Variants in CNTN6 observed in about 807,000 individuals in gnomAD.
CNTN6 encodes contactin 6.
Under a neutral mutation model 122.8 loss-of-function variants are expected in CNTN6, and 137 were observed. The observed-to-expected ratio is 1.12, with a 90% confidence interval of 0.97 to 1.29. The LOEUF is 1.29. CNTN6 is among the 50% of genes most tolerant of loss of function. CNTN6 has a pLI of 0.00. For synonymous variants in CNTN6, 570 were observed against 426.0 expected (o/e 1.34, Z -4.16); for missense variants, 1,634 against 1,223.4 (o/e 1.34, Z -5.01).
chr3:1,147,382 G>C (rs920929585), intron 1 of CNTN6, among the ~76,000 whole-genome samples: 1 of 152,036 alleles, frequency 6.6e-6, no homozygotes, highest in African/African-American at 2.4e-5. Context: ...AAGATTAATT[G>C]TTGAGCTTAC....
chr3:1,344,668 A>C (rs917580433), intron 11 of CNTN6, among the ~76,000 whole-genome samples: 2 of 152,194 alleles, frequency 1.3e-5, no homozygotes, highest in Non-Finnish European at 2.9e-5. Context: ...AATTATAAAC[A>C]TTTGTTTCCT....
At chr3:1,398,215 A>G (rs937299279) in intron 20 of CNTN6, among the ~76,000 whole-genome samples, 1 of 152,168 alleles carries the variant, frequency 6.6e-6, no homozygotes, top group Non-Finnish European at 1.5e-5. Flanking sequence ...TTTGCAATCC[A>G]GTTTAATCAA....
intron 4 of CNTN6, among the ~76,000 whole-genome samples, chr3:1,246,669 C>A (rs1227572481): frequency 6.6e-6 from 1 of 151,930 alleles, no homozygotes; most frequent in Admixed American, 6.6e-5. Flanking sequence ...TTTCTATATT[C>A]TTGACAATAT....
At position 1,295,656 on chromosome 3, in the gene CNTN6, T is replaced by C. The variant is rs374588686; in HGVS notation, c.510T>C (p.Asn170=). ...ACCCCTTATACGTCCAAGAGGACAATAGGCGATTTGTATCTCAAGAGACGG... is the reference window on the plus strand; with the variant it reads ...ACCCCTTATACGTCCAAGAGGACAACAGGCGATTTGTATCTCAAGAGACGG... The part of the protein sequence containing the change: ...NDNPLYVQED[N]RRFVSQETGN... Residue 170 remains asparagine (N), a synonymous_variant, in exon 6 of 23, where the codon AAT becomes AAC. Coordinates refer to ENST00000446702, the MANE Select transcript of CNTN6 (RefSeq NM_001289080.2). 6.2e-6 allele frequency: 10 copies of C among 1,613,986 alleles called. No individual in the cohort carries two copies. The highest frequency in any genetic ancestry group is 1.6e-4 in the Middle Eastern group (1 of 6,062).
chr3:1,393,256 A>G (rs1186346180), intron 20 of CNTN6, among the ~76,000 whole-genome samples: 6 of 95,760 alleles, frequency 6.3e-5, no homozygotes, highest in African/African-American at 2.4e-4. Context: ...TGTCCTTTGT[A>G]GGGACATGGA....
intron 1 of CNTN6, among the ~76,000 whole-genome samples, chr3:1,125,561 A>C (rs1360492198): frequency 6.6e-6 from 1 of 151,846 alleles, no homozygotes; most frequent in Non-Finnish European, 1.5e-5. Context: ...GTCAGAATAA[A>C]AATGACTACT....
chr3:1,170,676 A>T (rs916024681), intron 2 of CNTN6, among the ~76,000 whole-genome samples: 1 of 152,348 alleles, frequency 6.6e-6, no homozygotes, highest in East Asian at 1.9e-4. Flanking sequence ...GTCAAAAATC[A>T]AAAGGAAAGA....
chr3:1,184,701 C>G (rs1246780334), intron 2 of CNTN6, among the ~76,000 whole-genome samples: 3 of 152,062 alleles, frequency 2.0e-5, no homozygotes, highest in African/African-American at 7.2e-5. Flanking sequence ...ATATGGACAT[C>G]TGAAAATTAA....
intron 11 of CNTN6, among the ~76,000 whole-genome samples, chr3:1,336,172 TAAATA>T (rs375227259): frequency 0.033 from 5,082 of 151,976 alleles, 301 homozygotes; most frequent in African/African-American, 0.12. Flanking sequence ...TAAAATCAAA[TAAATA>T]AAATAAAATA....
At chr3:1,131,805 G>A (rs1206584718) in intron 1 of CNTN6, among the ~76,000 whole-genome samples, 1 of 152,074 alleles carries the variant, frequency 6.6e-6, no homozygotes, top group African/African-American at 2.4e-5. Context: ...ACCTTGTTAT[G>A]AATATCTTGA....
chr3:1,305,093 A>G (rs1385386886), intron 7 of CNTN6, among the ~76,000 whole-genome samples: 2 of 152,026 alleles, frequency 1.3e-5, no homozygotes, highest in African/African-American at 4.8e-5. Context: ...AATCAGGTTT[A>G]TACACCTTAT....
At position 1,130,860 on chromosome 3, in the gene CNTN6, T is replaced by A. The variant is rs948902848; in HGVS notation, c.-82-17067T>A. ...CTTTAACCTGGTTTATAGCAACTAT[T>A]AGAAATGGAATTCAACTAAGTGTTG... On this transcript the variant is annotated intron_variant, in intron 1 of 22. Transcript: ENST00000446702. Among the ~76,000 whole-genome samples the A allele has an allele frequency of 3.3e-5, 5 of 152,184 alleles. No individual in the cohort carries two copies. In the South Asian group the frequency reaches 8.3e-4, roughly 25 times the overall value.
chr3:1,167,144 A>G (rs549541305), intron 2 of CNTN6, among the ~76,000 whole-genome samples: 2 of 152,208 alleles, frequency 1.3e-5, no homozygotes, highest in East Asian at 3.9e-4. Context: ...TGGGGAGAAT[A>G]AAACAAAAAC....
intron 2 of CNTN6, among the ~76,000 whole-genome samples, chr3:1,157,451 A>T (rs2093000640): frequency 6.6e-6 from 1 of 152,076 alleles, no homozygotes; most frequent in African/African-American, 2.4e-5. Context: ...TCCTGACCTC[A>T]GGTGATCTGC....
intron 2 of CNTN6, among the ~76,000 whole-genome samples, chr3:1,159,287 G>T (rs1331465817): frequency 6.6e-6 from 1 of 151,852 alleles, no homozygotes; most frequent in Non-Finnish European, 1.5e-5. Context: ...TGATAACAGA[G>T]CCAGCTACTA....
At chr3:1,179,201 C>T (rs1051402437) in intron 2 of CNTN6, among the ~76,000 whole-genome samples, 14 of 152,100 alleles carry the variant, frequency 9.2e-5, no homozygotes, top group Non-Finnish European at 1.8e-4. Context: ...TACTCATTAC[C>T]ACAAGGACAG....
intron 2 of CNTN6, among the ~76,000 whole-genome samples, chr3:1,187,598 G>T (rs926369020): frequency 6.6e-6 from 1 of 152,180 alleles, no homozygotes; most frequent in African/African-American, 2.4e-5. Flanking sequence ...TTCATAGGGA[G>T]GCTGGGGTGG....
intron 1 of CNTN6, among the ~76,000 whole-genome samples, chr3:1,095,391 A>AC (rs2090472753): frequency 1.3e-5 from 2 of 151,994 alleles, no homozygotes; most frequent in South Asian, 4.1e-4. Context: ...GAATCACTTG[A>AC]CCCCGGGAGG....
At chr3:1,280,356 C>T (rs1693153967) in intron 5 of CNTN6, among the ~76,000 whole-genome samples, 1 of 151,198 alleles carries the variant, frequency 6.6e-6, no homozygotes, top group Non-Finnish European at 1.5e-5. Flanking sequence ...GGGGTCGATG[C>T]CATAAAATTA....
Sources: allele counts gnomAD v4.1 joint callset (sites outside exome capture counted in the v4.1 genomes callset), GRCh38; gene constraint gnomAD v4.1.1; transcripts MANE v1.5; gene names NCBI Gene and HGNC (gene_info 2026-07-23, HGNC 2026-07-21).